Variants in FYN observed in about 807,000 individuals in gnomAD.
FYN encodes the protein FYN proto-oncogene, Src family tyrosine kinase.
FYN carries 10 observed loss-of-function variants against 70.2 expected under a neutral mutation model. That is an observed-to-expected ratio of 0.14 (90% CI 0.09 to 0.24). The LOEUF is 0.24. Ranked by LOEUF, FYN falls within the 10% of genes least tolerant of loss-of-function variation. The probability of loss-of-function intolerance (pLI) is 1.00; values close to 1 mark genes in which losing one functional copy is unlikely to be tolerated. For synonymous variants in FYN, 236 were observed against 248.6 expected (o/e 0.95, Z 0.48); for missense variants, 319 against 673.1 (o/e 0.47, Z 5.82).
chr6:111,773,737 C>G (rs1803595561), intron 3 of FYN, among the ~76,000 whole-genome samples: 1 of 150,980 alleles, frequency 6.6e-6, no homozygotes, highest in African/African-American at 2.4e-5. Context: ...TCCTTCTCTC[C>G]CTCTTTTAGA....
intron 2 of FYN, among the ~76,000 whole-genome samples, chr6:111,800,271 T>G (rs113071572): frequency 5.3e-5 from 8 of 152,154 alleles, no homozygotes; most frequent in Non-Finnish European, 1.2e-4. Context: ...CGTAAAATGC[T>G]TTCAAATTTT....
chr6:111,811,228 G>C (rs1230060033), intron 2 of FYN, among the ~76,000 whole-genome samples: 1 of 152,174 alleles, frequency 6.6e-6, no homozygotes, highest in Non-Finnish European at 1.5e-5. Flanking sequence ...AATTTCTTTA[G>C]ATTTACTAAG....
At chr6:111,770,514 T>C (rs1803404046) in intron 3 of FYN, among the ~76,000 whole-genome samples, 1 of 152,162 alleles carries the variant, frequency 6.6e-6, no homozygotes, top group Non-Finnish European at 1.5e-5. Context: ...GGTGACTGCT[T>C]GTAGACTGAA....
chr6:111,719,269 A>G (rs1456648266), intron 4 of FYN, among the ~76,000 whole-genome samples: 1 of 151,806 alleles, frequency 6.6e-6, no homozygotes, highest in Non-Finnish European at 1.5e-5. Context: ...TACACATGGC[A>G]GCAGAATATA....
intron 2 of FYN, among the ~76,000 whole-genome samples, chr6:111,791,918 G>A (rs906300537): frequency 1.3e-5 from 2 of 152,150 alleles, no homozygotes; most frequent in Non-Finnish European, 2.9e-5. Context: ...AATGTGAAAG[G>A]CAAAATAATA....
rs1310395753 is a variant in FYN at position 111,700,197 on chromosome 6, AC to A, written c.768del (p.Ser257LeufsTer17). The A allele has an allele frequency of 6.2e-7, 1 of 1,614,132 alleles. No individual in the cohort carries two copies. On this transcript the variant is annotated frameshift_variant, in exon 9 of 14. Coordinates refer to ENST00000354650, the MANE Select transcript of FYN (RefSeq NM_002037.5). LOFTEE classifies it high-confidence loss of function. ...TCCCAGACATCTTTGGTTTTGACAGACAGATCGGTAAGCCTTGGCATCCCTT... is the reference window on the plus strand; with the variant it reads ...TCCCAGACATCTTTGGTTTTGACAGAAGATCGGTAAGCCTTGGCATCCCTT... ...CHKGMPRLTD[L>X]SVKTKDVWEI...
At chr6:111,757,579 G>A (rs1802797233) in intron 3 of FYN, among the ~76,000 whole-genome samples, 1 of 152,146 alleles carries the variant, frequency 6.6e-6, no homozygotes, top group African/African-American at 2.4e-5. Context: ...CTTCTACACA[G>A]CTTACAATAA....
chr6:111,744,928 C>G (rs1025753525), intron 3 of FYN, among the ~76,000 whole-genome samples: 1 of 152,068 alleles, frequency 6.6e-6, no homozygotes, highest in African/African-American at 2.4e-5. Flanking sequence ...AGTACAACCC[C>G]GGCAAAGAAT....
intron 2 of FYN, among the ~76,000 whole-genome samples, chr6:111,788,054 T>C (rs1222819086): frequency 6.6e-6 from 1 of 152,162 alleles, no homozygotes; most frequent in Admixed American, 6.5e-5. Flanking sequence ...TCCTCTCTTA[T>C]TGTGCCCTCA....
chr6:111,724,199 C>T (rs80306269), intron 3 of FYN, among the ~76,000 whole-genome samples: 1,710 of 152,262 alleles, frequency 0.011, 24 homozygotes, highest in African/African-American at 0.037. Flanking sequence ...ATTCAAGGAA[C>T]GCCGCACCCT....
intron 3 of FYN, among the ~76,000 whole-genome samples, chr6:111,774,118 T>C (rs145073602): frequency 6.6e-6 from 1 of 152,278 alleles, no homozygotes; most frequent in Non-Finnish European, 1.5e-5. Flanking sequence ...CTGATAGAGA[T>C]AGGACAGGTA....
intron 2 of FYN, among the ~76,000 whole-genome samples, chr6:111,827,267 T>C (rs999717165): frequency 6.6e-6 from 1 of 152,216 alleles, no homozygotes; most frequent in Non-Finnish European, 1.5e-5. Flanking sequence ...GAGGTATCAT[T>C]ATCTGTTCTC....
chr6:111,786,766 G>A (rs1771405246), intron 2 of FYN, among the ~76,000 whole-genome samples: 5 of 152,206 alleles, frequency 3.3e-5, no homozygotes, highest in Admixed American at 3.3e-4. Flanking sequence ...TCTAACTGGT[G>A]TGAGATGGTA....
chr6:111,793,930 G>A (rs1247404318), intron 2 of FYN: 1 of 152,198 alleles, frequency 6.6e-6, no homozygotes, highest in Non-Finnish European at 1.5e-5. Context: ...CACCGAGATG[G>A]ACATCCTGAG....
chr6:111,707,586 C>T (rs1001572780), intron 6 of FYN, among the ~76,000 whole-genome samples: 2 of 152,122 alleles, frequency 1.3e-5, no homozygotes, highest in Non-Finnish European at 1.5e-5. Context: ...GAGTGGACTG[C>T]GGGCTTAGAA....
intron 2 of FYN, among the ~76,000 whole-genome samples, chr6:111,844,183 C>T (rs903523831): frequency 6.6e-6 from 1 of 152,130 alleles, no homozygotes; most frequent in Non-Finnish European, 1.5e-5. Context: ...TTCAATAAAC[C>T]ATAGATATTA....
chr6:111,723,970 C>T (rs1050114839), intron 3 of FYN, among the ~76,000 whole-genome samples: 1 of 152,180 alleles, frequency 6.6e-6, no homozygotes, highest in Non-Finnish European at 1.5e-5. Context: ...CCTAGAAAAA[C>T]TGGTGAAGGG....
At chr6:111,796,550 T>G (rs115628230) in intron 2 of FYN, among the ~76,000 whole-genome samples, 1 of 152,344 alleles carries the variant, frequency 6.6e-6, no homozygotes, top group African/African-American at 2.4e-5. Flanking sequence ...AATGTATCCC[T>G]GTCCTGAAGC....
chr6:111,838,082 G>A (rs1773245175), intron 2 of FYN, among the ~76,000 whole-genome samples: 1 of 152,128 alleles, frequency 6.6e-6, no homozygotes, highest in African/African-American at 2.4e-5. Context: ...CCACAAAGGA[G>A]GATCAGTCTT....
Sources: gnomAD v4.1 joint callset for allele counts (sites outside exome capture counted in the v4.1 genomes callset) on GRCh38, gnomAD v4.1.1 for gene constraint, MANE v1.5 for transcripts, NCBI Gene and HGNC (gene_info 2026-07-23, HGNC 2026-07-21) for gene names.